CNTN5: variants seen among roughly 807,000 people sequenced by gnomAD.
CNTN5 encodes contactin-5.
A neutral mutation model predicts 129.1 loss-of-function variants in CNTN5; 77 were observed. The ratio of observed to expected loss-of-function variants is 0.60; its 90% CI spans 0.50 to 0.72. The LOEUF is 0.72. Ranked by LOEUF, CNTN5 falls within the 30% of genes least tolerant of loss-of-function variation. The pLI, the probability that CNTN5 is intolerant of heterozygous loss-of-function variation, is 0.00. For synonymous variants in CNTN5, 509 were observed against 465.6 expected (o/e 1.09, Z -1.20); for missense variants, 1,478 against 1,328.8 (o/e 1.11, Z -1.75).
intron 3 of CNTN5, among the ~76,000 whole-genome samples, chr11:99,757,668 T>G (rs1488806989): frequency 1.3e-5 from 2 of 152,052 alleles, no homozygotes; most frequent in African/African-American, 2.4e-5. Context: ...AACATGAATT[T>G]TGGGGAGGGT....
chr11:100,218,003 G>A (rs1949180203), intron 15 of CNTN5, among the ~76,000 whole-genome samples: 1 of 152,188 alleles, frequency 6.6e-6, no homozygotes, highest in African/African-American at 2.4e-5. Context: ...AAGTTTAGAG[G>A]AGTCCTCACC....
At chr11:100,144,401 T>G (rs1307361530) in intron 13 of CNTN5, among the ~76,000 whole-genome samples, 1 of 152,120 alleles carries the variant, frequency 6.6e-6, no homozygotes, top group African/African-American at 2.4e-5. Flanking sequence ...GAGTCCCAAG[T>G]GCTTACTGTT....
At chr11:99,634,478 G>A (rs1021840916) in intron 3 of CNTN5, among the ~76,000 whole-genome samples, 4 of 152,102 alleles carry the variant, frequency 2.6e-5, no homozygotes, top group African/African-American at 4.8e-5. Flanking sequence ...GGGCACGAAC[G>A]GTGTCTGAAG....
chr11:99,514,585 G>A (rs1460621589), intron 2 of CNTN5, among the ~76,000 whole-genome samples: 1 of 151,958 alleles, frequency 6.6e-6, no homozygotes, highest in East Asian at 1.9e-4. Flanking sequence ...TAACATTAAG[G>A]CAGGATCCTT....
At chr11:99,585,716 G>A (rs1165549584) in intron 3 of CNTN5, among the ~76,000 whole-genome samples, 1 of 152,090 alleles carries the variant, frequency 6.6e-6, no homozygotes. Flanking sequence ...TTAGCACAAA[G>A]TTAAATGGGA....
chr11:100,147,647 T>C (rs10791219), intron 13 of CNTN5, among the ~76,000 whole-genome samples: 30,297 of 151,986 alleles, frequency 0.2, 3,128 homozygotes, highest in Non-Finnish European at 0.23. Context: ...TTTGTGTGTG[T>C]GTGTGTGTAT....
chr11:99,642,213 A>G (rs1206840490), intron 3 of CNTN5, among the ~76,000 whole-genome samples: 1 of 152,196 alleles, frequency 6.6e-6, no homozygotes, highest in African/African-American at 2.4e-5. Flanking sequence ...ATGAATACAG[A>G]AAAACAAGAT....
chr11:99,800,444 G>T (rs967731493), intron 3 of CNTN5, among the ~76,000 whole-genome samples: 16 of 152,262 alleles, frequency 1.1e-4, no homozygotes, highest in African/African-American at 3.6e-4. Context: ...GGAATATTCT[G>T]TAGATGTCAA....
At chr11:99,601,149 T>A (rs746136652) in intron 3 of CNTN5, among the ~76,000 whole-genome samples, 4 of 152,246 alleles carry the variant, frequency 2.6e-5, no homozygotes, top group Non-Finnish European at 4.4e-5. Flanking sequence ...TCTGATTTCA[T>A]CTGCCATCTC....
intron 1 of CNTN5, among the ~76,000 whole-genome samples, chr11:99,242,854 A>G (rs1307412054): frequency 6.6e-6 from 1 of 152,094 alleles, no homozygotes; most frequent in African/African-American, 2.4e-5. Context: ...CATGGTGTAT[A>G]TGTACCATGT....
At chr11:99,850,132 A>G (rs937179836) in intron 6 of CNTN5, among the ~76,000 whole-genome samples, 1 of 152,144 alleles carries the variant, frequency 6.6e-6, no homozygotes, top group East Asian at 1.9e-4. Flanking sequence ...TTAACAGTTT[A>G]GGAGACATTG....
At chr11:99,528,859 T>C (rs1402238706) in intron 2 of CNTN5, among the ~76,000 whole-genome samples, 2 of 150,332 alleles carry the variant, frequency 1.3e-5, no homozygotes, top group Non-Finnish European at 3.0e-5. Context: ...AGGTCAGGAG[T>C]TCGAGAACAG....
intron 9 of CNTN5, among the ~76,000 whole-genome samples, chr11:100,035,731 G>C (rs1349846177): frequency 1.3e-5 from 2 of 150,424 alleles, no homozygotes; most frequent in Non-Finnish European, 3.0e-5. Context: ...GTGATGATGA[G>C]CATTTTTTCA....
chr11:99,430,285 A>G (rs1361307145), intron 2 of CNTN5, among the ~76,000 whole-genome samples: 1 of 152,024 alleles, frequency 6.6e-6, no homozygotes, highest in Non-Finnish European at 1.5e-5. Flanking sequence ...TTTTGTTTAA[A>G]AAAACGAAAG....
intron 3 of CNTN5, among the ~76,000 whole-genome samples, chr11:99,705,143 G>A (rs1183766846): frequency 6.6e-6 from 1 of 151,286 alleles, no homozygotes; most frequent in Non-Finnish European, 1.5e-5. Context: ...ACGAATCTCT[G>A]TTGAACACAT....
chr11:99,108,177 T>C (rs920095595), intron 1 of CNTN5, among the ~76,000 whole-genome samples: 5 of 152,140 alleles, frequency 3.3e-5, no homozygotes, highest in African/African-American at 1.2e-4. Context: ...TTAGAATTTG[T>C]ATATAACAAA....
intron 16 of CNTN5, among the ~76,000 whole-genome samples, chr11:100,246,066 T>C (rs139142098): frequency 1.5e-4 from 23 of 152,150 alleles, no homozygotes; most frequent in Non-Finnish European, 2.2e-4. Context: ...TTTTGAATGT[T>C]TCACATATTT....
chr11:99,396,275 A>G (rs780534945), intron 2 of CNTN5, among the ~76,000 whole-genome samples: 1 of 151,650 alleles, frequency 6.6e-6, no homozygotes, highest in Non-Finnish European at 1.5e-5. Flanking sequence ...GAATAGGTCA[A>G]TCTTTTCTAA....
chr11:100,045,294 G>A (rs938980121), intron 9 of CNTN5, among the ~76,000 whole-genome samples: 1 of 152,058 alleles, frequency 6.6e-6, no homozygotes, highest in African/African-American at 2.4e-5. Context: ...TAGGTAAATG[G>A]ACAATAGTAA....
Sources: gnomAD v4.1 joint callset for allele counts (sites outside exome capture counted in the v4.1 genomes callset) on GRCh38, gnomAD v4.1.1 for gene constraint, MANE v1.5 for transcripts, NCBI Gene and HGNC (gene_info 2026-07-23, HGNC 2026-07-21) for gene names.